The following SLC30A9 variants were observed in gnomAD, a reference collection of about 807,000 sequenced individuals.
SLC30A9 encodes solute carrier family 30 member 9, also known as proton-coupled zinc antiporter SLC30A9, mitochondrial.
A neutral mutation model predicts 87.5 loss-of-function variants in SLC30A9; 58 were observed. That is an observed-to-expected ratio of 0.66 (90% CI 0.54 to 0.82). SLC30A9 has a LOEUF of 0.82. Among genes scored for constraint, SLC30A9 ranks in the 40% least tolerant of loss-of-function variants. The pLI is 0.00. For missense variants in SLC30A9, 557 were observed against 679.1 expected (o/e 0.82, Z 2.00); for synonymous variants, 234 against 233.0 (o/e 1.00, Z -0.04).
chr4:42,001,094 CAATT>C (rs970089404), intron 1 of SLC30A9, among the ~76,000 whole-genome samples: 1 of 152,070 alleles, frequency 6.6e-6, no homozygotes, highest in African/African-American at 2.4e-5. Flanking sequence ...ATTCTTCACT[CAATT>C]AAAATTCCCC....
intron 7 of SLC30A9, 95 bp downstream of exon 7, chr4:42,035,428 A>G (rs886197766): frequency 7.1e-6 from 10 of 1,405,786 alleles, no homozygotes; most frequent in African/African-American, 5.8e-5. Context: ...TGTGATCTCA[A>G]TCTAAGATTT....
intron 16 of SLC30A9, among the ~76,000 whole-genome samples, chr4:42,077,530 A>G (rs1041190879): frequency 3.3e-5 from 5 of 152,054 alleles, no homozygotes; most frequent in African/African-American, 1.2e-4. Flanking sequence ...CAGCCTCCCA[A>G]GTAGCTAGGA....
chr4:42,038,880 C>T (rs1716799104), intron 7 of SLC30A9, 106 bp from the exon 8 acceptor site: 4 of 676,956 alleles, frequency 5.9e-6, no homozygotes, highest in East Asian at 5.1e-5. Flanking sequence ...AAATCTAATT[C>T]AGAAGTTTTG....
rs777254191 is a variant in SLC30A9 at position 42,049,395 on chromosome 4, C to G, written c.756C>G (p.Phe252Leu). 1 of 1,610,074 alleles carries G rather than the reference C, an allele frequency of 6.2e-7. No homozygotes were observed. The highest frequency in any genetic ancestry group is 2.2e-5 in the East Asian group (1 of 44,754). The change falls in exon 9 of 18, where the codon TTC (phenylalanine) becomes TTG (leucine). Residue 252 changes from phenylalanine (F) to leucine (L), a missense_variant. By Grantham distance (22) the Phe-to-Leu change is conservative (BLOSUM62 0). Around this residue, in one of 2 missense-constraint regions of SLC30A9, gnomAD observed 467 missense variants for 529.8 expected, o/e 0.88. Transcript: ENST00000264451. ...VAICINGLNCFFKFLAWIYTG... is the reference protein window; with the variant it reads ...VAICINGLNCLFKFLAWIYTG... ...CTTCTAGCAATGGATTAAACTGCTT[C>G]TTTAAATTTCTTGCCTGGATTTATA...
chr4:42,066,880 T>C (rs551843923), intron 13 of SLC30A9, among the ~76,000 whole-genome samples: 1 of 152,358 alleles, frequency 6.6e-6, no homozygotes, highest in Admixed American at 6.5e-5. Flanking sequence ...GAAAGTAATT[T>C]GACTTTATGT....
At chr4:42,030,207 T>C (rs902609316) in intron 6 of SLC30A9, 13 of 372,096 alleles carry the variant, frequency 3.5e-5, no homozygotes, top group African/African-American at 2.1e-4. Context: ...CAAACTGTCA[T>C]ATGTATGGGA....
intron 9 of SLC30A9, among the ~76,000 whole-genome samples, chr4:42,049,845 A>G (rs1717318694): frequency 6.6e-6 from 1 of 152,160 alleles, no homozygotes; most frequent in Non-Finnish European, 1.5e-5. Context: ...CATAATTTGA[A>G]TTACTTTCCT....
intron 4 of SLC30A9, 121 bp from the exon 5 acceptor site, chr4:42,022,717 A>G (rs902070841): frequency 4.0e-6 from 2 of 501,484 alleles, no homozygotes; most frequent in East Asian, 3.0e-5. Flanking sequence ...AGCCATTCAC[A>G]TCAATATTTC....
At chr4:42,006,494 C>T (rs1041775763) in intron 2 of SLC30A9, among the ~76,000 whole-genome samples, 1 of 152,100 alleles carries the variant, frequency 6.6e-6, no homozygotes, top group African/African-American at 2.4e-5. Context: ...CGAGACCAGC[C>T]TGAGCAACGT....
chr4:42,025,889 G>GTCA (rs1204029740), intron 6 of SLC30A9, among the ~76,000 whole-genome samples: 1 of 151,954 alleles, frequency 6.6e-6, no homozygotes, highest in Non-Finnish European at 1.5e-5. Flanking sequence ...TCCTGACCTC[G>GTCA]TCATCCGCCC....
intron 9 of SLC30A9, among the ~76,000 whole-genome samples, chr4:42,059,671 A>C (rs942467572): frequency 2.6e-5 from 4 of 152,156 alleles, no homozygotes; most frequent in African/African-American, 9.7e-5. Flanking sequence ...ATATTAGACT[A>C]CCTTAATTCT....
rs1052117626 is a variant in SLC30A9, at chr4:42,079,591, A to T, written c.1662+1266A>T. Among the ~76,000 whole-genome samples, 17 of 140,104 alleles carry T rather than the reference A, an allele frequency of 1.2e-4. No individual in the cohort carries two copies. In the Admixed American group the frequency reaches 1.3e-3, roughly 11 times the overall value. 91.9% of individuals were successfully genotyped at this position (140,104 alleles called of 152,430 possible). A position where few individuals can be genotyped will look rare whatever the true frequency, so the allele number is the denominator to read the frequency against. The stretch of plus-strand genomic sequence containing the variant: ...AGTGCTGGGATTACAGGAGTGAGCC[A>T]CCCCACCCAGTCACATTTTTTTTTT... On this transcript the variant is annotated intron_variant, in intron 17 of 17. Transcript: ENST00000264451.
chr4:42,079,642 C>G (rs1429553648), intron 17 of SLC30A9, among the ~76,000 whole-genome samples: 7 of 148,452 alleles, frequency 4.7e-5, no homozygotes, highest in Non-Finnish European at 1.0e-4. Context: ...GAGTCTCGCA[C>G]TGTCACCCGT....
At chr4:42,000,287 T>A (rs929327721) in intron 1 of SLC30A9, among the ~76,000 whole-genome samples, 3 of 152,088 alleles carry the variant, frequency 2.0e-5, no homozygotes, top group Admixed American at 6.6e-5. Flanking sequence ...ACAGAAGATA[T>A]TTTGAATAGG....
intron 6 of SLC30A9, chr4:42,029,661 A>G (rs1716340077): frequency 5.3e-6 from 4 of 750,804 alleles, no homozygotes; most frequent in Non-Finnish European, 4.9e-6. Flanking sequence ...GAAAGTCTGC[A>G]GATTCAAGCT....
At chr4:42,061,813 T>A (rs1447570487) in intron 10 of SLC30A9, among the ~76,000 whole-genome samples, 1 of 151,156 alleles carries the variant, frequency 6.6e-6, no homozygotes, top group Non-Finnish European at 1.5e-5. Context: ...GGCAGGAGAG[T>A]CGCTTGAACT....
chr4:42,084,015 T>C (rs1343482268), intron 17 of SLC30A9, among the ~76,000 whole-genome samples: 1 of 152,196 alleles, frequency 6.6e-6, no homozygotes, highest in Admixed American at 6.5e-5. Flanking sequence ...CCAGATTTTG[T>C]TTTTATAACT....
chr4:42,039,889 AAT>A (rs767450802), intron 8 of SLC30A9, among the ~76,000 whole-genome samples: 2 of 123,914 alleles, frequency 1.6e-5, no homozygotes, highest in African/African-American at 2.5e-5. Flanking sequence ...TTTATTCTTA[AAT>A]ATATATATGT....
intron 17 of SLC30A9, among the ~76,000 whole-genome samples, chr4:42,082,715 G>A (rs1039155444): frequency 3.3e-5 from 5 of 152,036 alleles, no homozygotes; most frequent in African/African-American, 1.2e-4. Context: ...TGGTATGGTG[G>A]CGGGCCCTTC....
Sources: allele counts gnomAD v4.1 joint callset (sites outside exome capture counted in the v4.1 genomes callset), GRCh38; gene constraint gnomAD v4.1.1; regional missense constraint gnomAD v4.1.1; transcripts MANE v1.5; gene names NCBI Gene and HGNC (gene_info 2026-07-23, HGNC 2026-07-21).